CRYBG1: variants seen among roughly 807,000 people sequenced by gnomAD.
The protein encoded by CRYBG1 is beta/gamma crystallin domain-containing protein 1.
In CRYBG1, 139 loss-of-function variants were observed where a neutral mutation model predicts 189.2. The observed-to-expected ratio is 0.73, with a 90% CI of 0.64 to 0.85. The LOEUF (loss-of-function observed/expected upper bound fraction) is 0.85, where lower values mean the gene tolerates loss of function less well. CRYBG1 is among the 40% of genes least tolerant of loss of function. The pLI is 0.00. For missense variants in CRYBG1, 2,611 were observed against 2,675.8 expected, an observed-to-expected ratio of 0.98 and a Z score of 0.53; for synonymous variants, 1,023 against 1,017.1, an observed-to-expected ratio of 1.01 and a Z score of -0.11.
At chr6:106,533,609 A>G (rs1773922784) in intron 8 of CRYBG1, among the ~76,000 whole-genome samples, 1 of 152,136 alleles carries the variant, frequency 6.6e-6, no homozygotes, top group South Asian at 2.1e-4. Context: ...AAATGGTCAG[A>G]TCTTGGATGC....
At chr6:106,440,893 A>C (rs2114421181) in intron 1 of CRYBG1, among the ~76,000 whole-genome samples, 1 of 152,294 alleles carries the variant, frequency 6.6e-6, no homozygotes, top group Non-Finnish European at 1.5e-5. Context: ...TTCTCACACC[A>C]TTTTATTGCT....
intron 14 of CRYBG1, 79 bp from the exon 15 acceptor site, chr6:106,552,105 T>C (rs1774417584): frequency 6.9e-7 from 1 of 1,449,222 alleles, no homozygotes; most frequent in Non-Finnish European, 9.5e-7. Context: ...CAGTAATTGC[T>C]AATAATCTAG....
chr6:106,463,038 T>C (rs1015457932), intron 2 of CRYBG1, among the ~76,000 whole-genome samples: 7 of 152,122 alleles, frequency 4.6e-5, no homozygotes, highest in African/African-American at 1.7e-4. Context: ...CCTGTAGTCC[T>C]AGCTATTTGG....
chr6:106,549,856 C>T (rs1774356647), intron 13 of CRYBG1, among the ~76,000 whole-genome samples: 1 of 152,032 alleles, frequency 6.6e-6, no homozygotes, highest in Non-Finnish European at 1.5e-5. Context: ...TAAATCAGCC[C>T]TTTGGATAGT....
chr6:106,552,062 T>C (rs1774416660), intron 14 of CRYBG1, 84 bp downstream of exon 14: 2 of 1,456,382 alleles, frequency 1.4e-6, no homozygotes, highest in Non-Finnish European at 1.9e-6. Context: ...GTAATAGTAA[T>C]TGCTATGGAA....
chr6:106,530,358 G>C (rs753114794), intron 8 of CRYBG1, 43 bp downstream of exon 8: 2 of 1,579,366 alleles, frequency 1.3e-6, no homozygotes, highest in Admixed American at 1.8e-5. Flanking sequence ...AAGTTTTTTT[G>C]TGAGTGTAGT....
intron 3 of CRYBG1, among the ~76,000 whole-genome samples, 152 bp from the exon 4 acceptor site, chr6:106,518,975 GCACA>G (rs377748036): frequency 7.4e-6 from 1 of 134,288 alleles, no homozygotes; most frequent in East Asian, 2.0e-4. Flanking sequence ...ACATGTGTGC[GCACA>G]CACACACACA....
intron 1 of CRYBG1, among the ~76,000 whole-genome samples, chr6:106,405,525 C>T (rs1770804636): frequency 6.6e-6 from 1 of 152,252 alleles, no homozygotes; most frequent in South Asian, 2.1e-4. Flanking sequence ...TCACAGTGCT[C>T]AAGCTCTGCT....
At chr6:106,363,117 G>T (rs1183876275) in intron 1 of CRYBG1, among the ~76,000 whole-genome samples, 4 of 150,436 alleles carry the variant, frequency 2.7e-5, no homozygotes, top group Non-Finnish European at 4.4e-5. Context: ...GGTGGCGCGC[G>T]CCTGTAGTCC....
chr6:106,509,814 TC>T (rs1445206233), intron 2 of CRYBG1, among the ~76,000 whole-genome samples: 1 of 151,694 alleles, frequency 6.6e-6, no homozygotes, highest in Non-Finnish European at 1.5e-5. Context: ...TGACCGCCTC[TC>T]CCCCCCACCC....
intron 1 of CRYBG1, among the ~76,000 whole-genome samples, chr6:106,410,941 T>A (rs187425966): frequency 6.6e-6 from 1 of 152,138 alleles, no homozygotes; most frequent in Non-Finnish European, 1.5e-5. Flanking sequence ...CAAACCACCA[T>A]GGCACATGTA....
At chr6:106,478,426 T>C (rs956914465) in intron 2 of CRYBG1, among the ~76,000 whole-genome samples, 3 of 152,352 alleles carry the variant, frequency 2.0e-5, no homozygotes, top group Non-Finnish European at 2.9e-5. Flanking sequence ...CTGAAAGTAA[T>C]TGTCATGTGG....
At chr6:106,448,095 G>T (rs927204384) in intron 1 of CRYBG1, among the ~76,000 whole-genome samples, 2 of 152,154 alleles carry the variant, frequency 1.3e-5, no homozygotes, top group African/African-American at 4.8e-5. Flanking sequence ...CCGGGGCTGG[G>T]CAAGAAGCTG....
At chr6:106,479,964 G>C (rs1236073656) in intron 2 of CRYBG1, among the ~76,000 whole-genome samples, 1 of 151,774 alleles carries the variant, frequency 6.6e-6, no homozygotes, top group Non-Finnish European at 1.5e-5. Flanking sequence ...TGTACTTTAG[G>C]TGTCATAAGA....
intron 2 of CRYBG1, among the ~76,000 whole-genome samples, chr6:106,484,442 C>T (rs113312388): frequency 0.12 from 18,421 of 149,354 alleles, 1,944 homozygotes; most frequent in African/African-American, 0.28. Flanking sequence ...CTCAGCCTCC[C>T]GAGTAACTGG....
At position 106,360,870 on chromosome 6, in the gene CRYBG1, A is replaced by T. The variant is rs1308375839; in HGVS notation, c.-39A>T. ...CCATAGGGCCCGGGCGGCAGAGAGGACCGCGTCCCGGCAGTCGGAGCGGGA... is the reference window on the plus strand; with the variant it reads ...CCATAGGGCCCGGGCGGCAGAGAGGTCCGCGTCCCGGCAGTCGGAGCGGGA... On this transcript the variant is annotated 5_prime_UTR_variant, in exon 1 of 22. Coordinates refer to ENST00000633556, the MANE Select transcript of CRYBG1 (RefSeq NM_001371242.2). 11 of 1,503,194 alleles carry T rather than the reference A, an allele frequency of 7.3e-6. No homozygotes were observed. Among genetic ancestry groups the T allele is most frequent in the Non-Finnish European group, 3.5e-6 (4 of 1,130,520 alleles). The allele number at this position is 1,503,194 out of a possible 1,614,324, so 93.1% of individuals were successfully genotyped here.
intron 1 of CRYBG1, among the ~76,000 whole-genome samples, chr6:106,401,464 G>T: frequency 7.6e-6 from 1 of 131,698 alleles, no homozygotes; most frequent in South Asian, 2.6e-4. Flanking sequence ...GTGCAGGTTA[G>T]TTACATATGT....
intron 19 of CRYBG1, 53 bp from the exon 20 acceptor site, chr6:106,561,289 G>A: frequency 6.3e-7 from 1 of 1,579,172 alleles, no homozygotes; most frequent in East Asian, 2.2e-5. Context: ...TGCTTGTTCA[G>A]TGCTTCCAGC....
intron 1 of CRYBG1, among the ~76,000 whole-genome samples, chr6:106,381,931 C>T (rs763345324): frequency 1.1e-4 from 16 of 152,146 alleles, no homozygotes; most frequent in Non-Finnish European, 2.1e-4. Context: ...AGCCAGAGTA[C>T]ATCTAAACTG....
Sources: allele counts gnomAD v4.1 joint callset (sites outside exome capture counted in the v4.1 genomes callset), GRCh38; gene constraint gnomAD v4.1.1; transcripts MANE v1.5; gene names NCBI Gene and HGNC (gene_info 2026-07-23, HGNC 2026-07-21).